Variants in KIAA0825 observed in about 807,000 individuals in gnomAD.
The protein encoded by KIAA0825 is KIAA0825.
KIAA0825 carries 119 observed loss-of-function variants against 147.6 expected under a neutral mutation model. That is an observed-to-expected ratio of 0.81 (90% CI 0.69 to 0.94). The LOEUF is 0.94. KIAA0825 is among the 40% of genes least tolerant of loss of function. The pLI is 0.00. For missense variants in KIAA0825, 1,381 were observed against 1,472.7 expected, an observed-to-expected ratio of 0.94 and a Z score of 1.02; for synonymous variants, 470 against 518.1, an observed-to-expected ratio of 0.91 and a Z score of 1.26.
intron 3 of KIAA0825, among the ~76,000 whole-genome samples, chr5:94,531,360 A>G (rs183058596): frequency 2.6e-5 from 4 of 152,322 alleles, no homozygotes; most frequent in African/African-American, 4.8e-5. Context: ...ATGATGAAAA[A>G]ATGGTTCAAC....
intron 20 of KIAA0825, among the ~76,000 whole-genome samples, chr5:94,208,160 T>C (rs1260717593): frequency 1.3e-5 from 2 of 152,154 alleles, no homozygotes; most frequent in African/African-American, 2.4e-5. Flanking sequence ...GAAAATATCA[T>C]CAAAGCTAAT....
At chr5:94,541,356 T>G (rs1427958601) in intron 2 of KIAA0825, among the ~76,000 whole-genome samples, 2 of 152,220 alleles carry the variant, frequency 1.3e-5, no homozygotes, top group African/African-American at 4.8e-5. Flanking sequence ...TAATTGAGAC[T>G]ATTGAAAAAC....
chr5:94,463,905 G>A (rs771544014), intron 11 of KIAA0825, among the ~76,000 whole-genome samples: 24 of 151,700 alleles, frequency 1.6e-4, no homozygotes, highest in African/African-American at 4.4e-4. Flanking sequence ...GGAATTTTCC[G>A]TCTATTCTTC....
At chr5:94,179,070 T>C (rs777800469) in intron 20 of KIAA0825, among the ~76,000 whole-genome samples, 58 of 152,060 alleles carry the variant, frequency 3.8e-4, no homozygotes, top group Non-Finnish European at 7.4e-4. Flanking sequence ...ATGATATTCT[T>C]AACAAAGCAA....
At chr5:94,550,471 A>C (rs764096051) in intron 2 of KIAA0825, among the ~76,000 whole-genome samples, 1 of 152,206 alleles carries the variant, frequency 6.6e-6, no homozygotes, top group Non-Finnish European at 1.5e-5. Flanking sequence ...ATTAAATTGG[A>C]AGAGGCAACT....
intron 5 of KIAA0825, among the ~76,000 whole-genome samples, chr5:94,493,069 G>A (rs978555938): frequency 6.6e-6 from 1 of 152,120 alleles, no homozygotes; most frequent in African/African-American, 2.4e-5. Flanking sequence ...GAGGTTCTCA[G>A]GCCTTAGAGT....
chr5:94,327,153 AT>A (rs1186633561), intron 20 of KIAA0825, among the ~76,000 whole-genome samples: 1 of 152,236 alleles, frequency 6.6e-6, no homozygotes, highest in Admixed American at 6.5e-5. Context: ...AAGAGCTCTG[AT>A]TTTTTATGTT....
intron 20 of KIAA0825, among the ~76,000 whole-genome samples, chr5:94,297,616 G>A (rs937642524): frequency 6.6e-6 from 1 of 151,258 alleles, no homozygotes; most frequent in Non-Finnish European, 1.5e-5. Context: ...TTATTTTTGA[G>A]ATAGAGTCTC....
chr5:94,398,230 C>T (rs1358906100), intron 16 of KIAA0825, among the ~76,000 whole-genome samples: 3 of 152,156 alleles, frequency 2.0e-5, no homozygotes, highest in Non-Finnish European at 4.4e-5. Context: ...ATGTCCAGCT[C>T]TTCTCCTGTA....
intron 13 of KIAA0825, among the ~76,000 whole-genome samples, chr5:94,446,960 G>C (rs957582002): frequency 5.3e-5 from 8 of 152,208 alleles, no homozygotes; most frequent in South Asian, 2.1e-4. Flanking sequence ...AAATTAATGA[G>C]ACTTAGTAAT....
intron 13 of KIAA0825, among the ~76,000 whole-genome samples, chr5:94,450,835 G>A (rs1758306595): frequency 6.6e-6 from 1 of 152,152 alleles, no homozygotes; most frequent in Non-Finnish European, 1.5e-5. Flanking sequence ...TCTTATTTGT[G>A]CAGTAGAATG....
intron 20 of KIAA0825, among the ~76,000 whole-genome samples, chr5:94,362,147 C>T (rs2434364): frequency 0.17 from 26,264 of 152,130 alleles, 2,825 homozygotes; most frequent in Non-Finnish European, 0.23. Context: ...TCTACAAGGC[C>T]ATTTGATCTA....
chr5:94,227,304 A>G (rs1774273616), intron 20 of KIAA0825, among the ~76,000 whole-genome samples: 1 of 151,896 alleles, frequency 6.6e-6, no homozygotes, highest in Non-Finnish European at 1.5e-5. Flanking sequence ...AGAACAAAAA[A>G]CCAAACACCG....
At chr5:94,440,334 T>C (rs990996738) in intron 13 of KIAA0825, among the ~76,000 whole-genome samples, 1 of 152,184 alleles carries the variant, frequency 6.6e-6, no homozygotes, top group Non-Finnish European at 1.5e-5. Context: ...TTTGGTACCT[T>C]GCCAAATTTA....
At chr5:94,303,950 G>T (rs764272667) in intron 20 of KIAA0825, among the ~76,000 whole-genome samples, 1 of 151,874 alleles carries the variant, frequency 6.6e-6, no homozygotes, top group East Asian at 1.9e-4. Flanking sequence ...TTGATTTCTC[G>T]CCTCATTTTT....
chr5:94,535,238 G>A (rs1009341757), intron 3 of KIAA0825, among the ~76,000 whole-genome samples: 2 of 152,048 alleles, frequency 1.3e-5, no homozygotes, highest in African/African-American at 4.8e-5. Flanking sequence ...GGCCAAGCAT[G>A]GTGGCTCACG....
intron 20 of KIAA0825, among the ~76,000 whole-genome samples, chr5:94,365,295 T>G (rs1322665270): frequency 6.6e-6 from 1 of 152,124 alleles, no homozygotes; most frequent in African/African-American, 2.4e-5. Flanking sequence ...GCGTCCTCAA[T>G]TCCCTTGGCG....
At chr5:94,519,175 C>T (rs1767713768) in intron 5 of KIAA0825, 2 of 868,852 alleles carry the variant, frequency 2.3e-6, no homozygotes, top group South Asian at 1.1e-4. Context: ...AATTTTAAGA[C>T]AAAATATTAA....
intron 5 of KIAA0825, among the ~76,000 whole-genome samples, chr5:94,497,058 C>A (rs562379083): frequency 6.6e-5 from 10 of 152,276 alleles, no homozygotes; most frequent in Non-Finnish European, 1.5e-4. Context: ...TTACCATTTA[C>A]TGAACACATA....
Sources: gnomAD v4.1 joint callset for allele counts (sites outside exome capture counted in the v4.1 genomes callset) on GRCh38, gnomAD v4.1.1 for gene constraint, MANE v1.5 for transcripts, NCBI Gene and HGNC (gene_info 2026-07-23, HGNC 2026-07-21) for gene names.